Variants in RARB observed in about 807,000 individuals in gnomAD.
RARB encodes HBV-activated protein.
A neutral mutation model predicts 51.9 loss-of-function variants in RARB; 17 were observed. That is an observed-to-expected ratio of 0.33 (90% CI 0.22 to 0.49). RARB has a LOEUF of 0.49. Among genes scored for constraint, RARB ranks in the 20% least tolerant of loss-of-function variants. The pLI, the probability that RARB is intolerant of heterozygous loss-of-function variation, is 0.99. For missense variants in RARB, 369 were observed against 550.8 expected, an observed-to-expected ratio of 0.67 and a Z score of 3.30; for synonymous variants, 215 against 195.4, an observed-to-expected ratio of 1.10 and a Z score of -0.84.
At chr3:25,244,825 G>C (rs1421943775) in intron 5 of RARB, among the ~76,000 whole-genome samples, 1 of 152,034 alleles carries the variant, frequency 6.6e-6, no homozygotes, top group Non-Finnish European at 1.5e-5. Flanking sequence ...ATGTCTATTA[G>C]GTCTTCTTGG....
chr3:25,482,311 G>C (rs73820501), intron 2 of RARB, among the ~76,000 whole-genome samples: 1,621 of 152,232 alleles, frequency 0.011, 30 homozygotes, highest in African/African-American at 0.038. Flanking sequence ...GGAGTTGCCT[G>C]ATGACACTCA....
rs1425724965 is a variant in RARB at position 24,944,121 on chromosome 3, G to A, written c.-380+85369G>A. ...GAAGTCTGACTCATCCTCTTTACTGGATATTATGAAGCCCTAGACAGGACA... is the reference window on the plus strand; with the variant it reads ...GAAGTCTGACTCATCCTCTTTACTGAATATTATGAAGCCCTAGACAGGACA... On this transcript the variant is annotated intron_variant, in intron 2 of 11. Transcript: ENST00000383772. 3.9e-5 allele frequency among the ~76,000 whole-genome samples: 6 copies of A among 152,138 alleles called. No individual in the cohort carries two copies. The South Asian group carries it at 1.0e-3, about 26-fold the overall frequency.
intron 2 of RARB, among the ~76,000 whole-genome samples, chr3:24,970,391 G>A (rs967293999): frequency 1.3e-5 from 2 of 151,976 alleles, no homozygotes; most frequent in Non-Finnish European, 2.9e-5. Context: ...AAGATAACCA[G>A]ACAAGAAGAC....
chr3:25,468,765 T>G (rs377375290), intron 2 of RARB, among the ~76,000 whole-genome samples: 1 of 152,216 alleles, frequency 6.6e-6, no homozygotes, highest in Non-Finnish European at 1.5e-5. Context: ...TACAAGGCAG[T>G]CAGTCTTTCC....
intron 4 of RARB, among the ~76,000 whole-genome samples, chr3:25,151,814 G>A (rs1410056323): frequency 6.6e-6 from 1 of 152,198 alleles, no homozygotes; most frequent in African/African-American, 2.4e-5. Context: ...TTTCCCATCA[G>A]TATGTTAATA....
chr3:25,031,060 A>G (rs1443114242), intron 2 of RARB, among the ~76,000 whole-genome samples: 1 of 152,074 alleles, frequency 6.6e-6, no homozygotes, highest in African/African-American at 2.4e-5. Flanking sequence ...TTGGGGCATG[A>G]TATGTTTTGT....
intron 2 of RARB, among the ~76,000 whole-genome samples, chr3:24,910,161 T>G (rs921986476): frequency 3.3e-5 from 5 of 152,178 alleles, no homozygotes; most frequent in Non-Finnish European, 7.3e-5. Context: ...TCCACCATGT[T>G]TCTATTTTTT....
Position 25,597,303 on chromosome 3 carries a change from T to TATCA in RARB, c.*688_*691dup, listed in dbSNP as rs377355554. 2.6e-5 allele frequency: 4 copies of TATCA among 152,630 alleles called. No individual in the cohort carries two copies. The highest frequency in any genetic ancestry group is 9.6e-5 in the African/African-American group (4 of 41,464). The allele number at this position is 152,630 out of a possible 1,614,324, so 9.5% of individuals were successfully genotyped here. On this transcript the variant is annotated 3_prime_UTR_variant, in exon 8 of 8. Coordinates refer to ENST00000330688, the MANE Select transcript of RARB (RefSeq NM_000965.5). Reference sequence around the variant, plus strand: ...CCTGCACTAGCAGAAGAGAATTCTGTATCAGTGTAACTGCCAGTTCAGTTA... The same window carrying TATCA: ...CCTGCACTAGCAGAAGAGAATTCTGTATCAATCAGTGTAACTGCCAGTTCAGTTA...
intron 2 of RARB, among the ~76,000 whole-genome samples, chr3:24,977,105 G>T (rs1271165835): frequency 2.6e-5 from 4 of 152,066 alleles, no homozygotes; most frequent in African/African-American, 4.8e-5. Flanking sequence ...CCTCTGTTCT[G>T]TTCCATTGGT....
intron 5 of RARB, among the ~76,000 whole-genome samples, chr3:25,307,452 G>A (rs950880059): frequency 1.3e-5 from 2 of 152,056 alleles, no homozygotes; most frequent in Non-Finnish European, 2.9e-5. Context: ...TGATTGCATG[G>A]TTACTGCCAA....
At chr3:25,104,587 T>C (rs900325210) in intron 3 of RARB, among the ~76,000 whole-genome samples, 1 of 151,960 alleles carries the variant, frequency 6.6e-6, no homozygotes, top group Admixed American at 6.6e-5. Context: ...GAGATTGGAG[T>C]GAGCTGAGAT....
chr3:25,011,196 G>C (rs1476766447), intron 2 of RARB, among the ~76,000 whole-genome samples: 1 of 152,114 alleles, frequency 6.6e-6, no homozygotes, highest in African/African-American at 2.4e-5. Flanking sequence ...TAGCAAAAGG[G>C]AATGAACAAT....
intron 3 of RARB, among the ~76,000 whole-genome samples, chr3:25,509,810 A>T (rs925592726): frequency 6.6e-5 from 10 of 152,040 alleles, no homozygotes; most frequent in African/African-American, 2.4e-4. Flanking sequence ...CGCCACAGAG[A>T]CAAAGTTGCC....
chr3:25,476,501 T>C (rs949068997), intron 2 of RARB, among the ~76,000 whole-genome samples: 1 of 152,212 alleles, frequency 6.6e-6, no homozygotes, highest in Non-Finnish European at 1.5e-5. Context: ...TTCTTAAGAA[T>C]AGTTTATAGG....
At chr3:25,172,306 C>T (rs180860623) in intron 4 of RARB, among the ~76,000 whole-genome samples, 183 of 152,160 alleles carry the variant, frequency 1.2e-3, no homozygotes, top group Middle Eastern at 3.4e-3. Context: ...GGCAGAGGGG[C>T]AAGAGCAGAG....
intron 2 of RARB, among the ~76,000 whole-genome samples, chr3:24,861,301 A>G (rs189219005): frequency 2.6e-5 from 4 of 152,306 alleles, no homozygotes; most frequent in African/African-American, 7.2e-5. Flanking sequence ...ATGTCATTTT[A>G]TAAAGAGACT....
At chr3:25,379,653 G>A (rs1706567189) in intron 5 of RARB, among the ~76,000 whole-genome samples, 1 of 152,186 alleles carries the variant, frequency 6.6e-6, no homozygotes, top group African/African-American at 2.4e-5. Flanking sequence ...AGGTTAGGGG[G>A]TAAAGAACTA....
intron 2 of RARB, among the ~76,000 whole-genome samples, chr3:24,997,972 A>G (rs1022191911): frequency 6.6e-6 from 1 of 152,170 alleles, no homozygotes; most frequent in Non-Finnish European, 1.5e-5. Flanking sequence ...TTATCATTAT[A>G]TAGTGATATT....
intron 2 of RARB, among the ~76,000 whole-genome samples, chr3:25,021,379 C>A (rs975205364): frequency 2.6e-5 from 4 of 151,956 alleles, no homozygotes; most frequent in African/African-American, 9.7e-5. Flanking sequence ...CAGTTTATTG[C>A]CTTTTTTTTA....
Sources: allele counts gnomAD v4.1 joint callset (sites outside exome capture counted in the v4.1 genomes callset), GRCh38; gene constraint gnomAD v4.1.1; transcripts MANE v1.5; gene names NCBI Gene and HGNC (gene_info 2026-07-23, HGNC 2026-07-21).